CTNNA2: variants seen among roughly 807,000 people sequenced by gnomAD.
CTNNA2 encodes the protein catenin alpha-2.
CTNNA2 carries 42 observed loss-of-function variants against 101.0 expected under a neutral mutation model. The observed-to-expected ratio is 0.42, with a 90% CI of 0.32 to 0.54. The LOEUF is 0.54. Ranked by LOEUF, CTNNA2 falls within the 20% of genes least tolerant of loss-of-function variation. CTNNA2 has a pLI of 0.14. For missense variants in CTNNA2, 871 were observed against 1,223.1 expected (o/e 0.71, Z 4.29); for synonymous variants, 450 against 456.4 (o/e 0.99, Z 0.18).
intron 7 of CTNNA2, among the ~76,000 whole-genome samples, chr2:80,319,484 G>GA (rs1214793754): frequency 1.3e-5 from 2 of 152,172 alleles, no homozygotes; most frequent in Non-Finnish European, 2.9e-5. Flanking sequence ...AAAGGCTTTA[G>GA]AAATCTTTCT....
chr2:79,771,309 C>T (rs917929994), intron 3 of CTNNA2, among the ~76,000 whole-genome samples: 6 of 152,256 alleles, frequency 3.9e-5, no homozygotes, highest in African/African-American at 9.6e-5. Flanking sequence ...TTTAGCTCAG[C>T]GGTCCCAACC....
intron 2 of CTNNA2, among the ~76,000 whole-genome samples, chr2:79,741,190 T>C (rs1305826614): frequency 6.6e-6 from 1 of 152,194 alleles, no homozygotes; most frequent in African/African-American, 2.4e-5. Context: ...CACCTACTAA[T>C]GGAGCTAAAC....
At chr2:80,629,309 C>G (rs771966930) in intron 18 of CTNNA2, among the ~76,000 whole-genome samples, 1 of 151,912 alleles carries the variant, frequency 6.6e-6, no homozygotes, top group Admixed American at 6.6e-5. Context: ...GAGGAATCAC[C>G]GACAGAGAGG....
chr2:80,483,402 A>G (rs919379203), intron 9 of CTNNA2, among the ~76,000 whole-genome samples: 1 of 149,606 alleles, frequency 6.7e-6, no homozygotes, highest in Non-Finnish European at 1.5e-5. Flanking sequence ...ATATGTATAT[A>G]TTTAATAAAA....
intron 7 of CTNNA2, among the ~76,000 whole-genome samples, chr2:80,039,783 G>A (rs559044080): frequency 1.3e-5 from 2 of 152,282 alleles, no homozygotes; most frequent in East Asian, 3.9e-4. Context: ...AAAACAGAAG[G>A]CTATCAGAAA....
At chr2:79,272,380 A>T (rs1025892969) in intron 2 of CTNNA2, among the ~76,000 whole-genome samples, 1 of 152,116 alleles carries the variant, frequency 6.6e-6, no homozygotes, top group Admixed American at 6.6e-5. Context: ...ATTAGCTTCC[A>T]ATTAAAAACT....
intron 2 of CTNNA2, among the ~76,000 whole-genome samples, chr2:79,306,327 A>G (rs1243684066): frequency 6.6e-6 from 1 of 152,172 alleles, no homozygotes; most frequent in East Asian, 1.9e-4. Flanking sequence ...ACAATATATT[A>G]TATATTTGAA....
chr2:80,577,017 A>C (rs1419075290), intron 13 of CTNNA2, among the ~76,000 whole-genome samples: 1 of 152,148 alleles, frequency 6.6e-6, no homozygotes, highest in African/African-American at 2.4e-5. Flanking sequence ...TGTATGAAAT[A>C]TGTTAATCAA....
At chr2:80,225,958 A>G (rs1708865357) in intron 7 of CTNNA2, among the ~76,000 whole-genome samples, 1 of 152,230 alleles carries the variant, frequency 6.6e-6, no homozygotes, top group Non-Finnish European at 1.5e-5. Context: ...TCTTGATCTC[A>G]ATTCAGAAAG....
chr2:79,529,745 G>A lies in CTNNA2; in HGVS notation c.-6+16538G>A, dbSNP rs1174572515. ...ACTCCTACTTTTAGCTTTTGGTTTG[G>A]ATTTTTAGCCAAAGCATACACAAGC... On this transcript the variant is annotated intron_variant, in intron 1 of 18. Coordinates refer to ENST00000402739, the MANE Select transcript of CTNNA2 (RefSeq NM_001282597.3). 3.3e-5 allele frequency among the ~76,000 whole-genome samples: 5 copies of A among 151,990 alleles called. No homozygotes were observed. In the South Asian group the frequency reaches 8.3e-4, roughly 25 times the overall value.
intron 7 of CTNNA2, among the ~76,000 whole-genome samples, chr2:80,044,208 CTA>C (rs1369981163): frequency 6.6e-6 from 1 of 152,120 alleles, no homozygotes; most frequent in East Asian, 1.9e-4. Flanking sequence ...TTAGGGAAAA[CTA>C]TGGTATTTTC....
At chr2:79,566,877 A>T (rs1675148809) in intron 1 of CTNNA2, among the ~76,000 whole-genome samples, 1 of 152,192 alleles carries the variant, frequency 6.6e-6, no homozygotes, top group African/African-American at 2.4e-5. Context: ...TTCTATATTT[A>T]CAACTCTCAT....
chr2:79,500,700 G>A (rs1000690331), intron 4 of CTNNA2: 1 of 152,208 alleles, frequency 6.6e-6, no homozygotes, highest in African/African-American at 2.4e-5. Flanking sequence ...GGATGAGATT[G>A]TCTCACGGGA....
intron 7 of CTNNA2, among the ~76,000 whole-genome samples, chr2:80,351,110 A>G (rs747127992): frequency 2.6e-5 from 4 of 152,164 alleles, no homozygotes; most frequent in South Asian, 4.1e-4. Flanking sequence ...ACAGAATAAA[A>G]GAATAAAAAG....
chr2:80,579,716 A>ATAT (rs1695364170), intron 13 of CTNNA2, among the ~76,000 whole-genome samples: 1 of 152,222 alleles, frequency 6.6e-6, no homozygotes, highest in Non-Finnish European at 1.5e-5. Context: ...AACAAGAGTG[A>ATAT]TATGCCAAAG....
At chr2:79,538,158 A>T (rs974047216) in intron 1 of CTNNA2, among the ~76,000 whole-genome samples, 2 of 152,194 alleles carry the variant, frequency 1.3e-5, no homozygotes, top group Middle Eastern at 3.4e-3. Flanking sequence ...GTTGTTTCAA[A>T]CTCTATAACC....
At chr2:80,270,494 G>A (rs1673382313) in intron 7 of CTNNA2, among the ~76,000 whole-genome samples, 1 of 152,064 alleles carries the variant, frequency 6.6e-6, no homozygotes, top group African/African-American at 2.4e-5. Context: ...AAAATAACTG[G>A]TTCAAACCCA....
At chr2:79,282,781 G>T in intron 2 of CTNNA2, among the ~76,000 whole-genome samples, 1 of 124,082 alleles carries the variant, frequency 8.1e-6, no homozygotes, top group Non-Finnish European at 1.8e-5. Flanking sequence ...ACAGTAATGG[G>T]ATGGCTGGGT....
intron 4 of CTNNA2, among the ~76,000 whole-genome samples, chr2:79,381,736 T>C (rs1332940849): frequency 1.3e-5 from 2 of 152,204 alleles, no homozygotes; most frequent in African/African-American, 4.8e-5. Flanking sequence ...CCAGTGATCA[T>C]TCAAAGCTCT....
Sources: gnomAD v4.1 joint callset for allele counts (sites outside exome capture counted in the v4.1 genomes callset) on GRCh38, gnomAD v4.1.1 for gene constraint, MANE v1.5 for transcripts, NCBI Gene and HGNC (gene_info 2026-07-23, HGNC 2026-07-21) for gene names.